The following ST6GALNAC3 variants were observed in gnomAD, a reference collection of about 807,000 sequenced individuals.
The protein encoded by ST6GALNAC3 is ST6 N-acetylgalactosaminide alpha-2,6-sialyltransferase 3.
In ST6GALNAC3, 25 loss-of-function variants were observed where a neutral mutation model predicts 32.7. The ratio of observed to expected loss-of-function variants is 0.76; its 90% CI spans 0.56 to 1.07. The LOEUF (loss-of-function observed/expected upper bound fraction) is 1.07. Among genes scored for constraint, ST6GALNAC3 ranks in the 50% least tolerant of loss-of-function variants. The pLI is 0.00. For missense variants in ST6GALNAC3, 355 were observed against 382.4 expected (o/e 0.93, Z 0.60); for synonymous variants, 129 against 133.1 (o/e 0.97, Z 0.21).
chr1:76,604,669 A>T (rs1160422203), intron 3 of ST6GALNAC3, among the ~76,000 whole-genome samples: 2 of 152,178 alleles, frequency 1.3e-5, no homozygotes, highest in Non-Finnish European at 2.9e-5. Context: ...CTAAATTCAT[A>T]TTGGAATTTC....
chr1:76,396,161 G>T (rs1203262042), intron 2 of ST6GALNAC3, among the ~76,000 whole-genome samples: 2 of 152,146 alleles, frequency 1.3e-5, no homozygotes, highest in African/African-American at 4.8e-5. Flanking sequence ...TATAAGGAAA[G>T]TAACTTTGAA....
At chr1:76,293,736 G>A (rs1171755249) in intron 1 of ST6GALNAC3, among the ~76,000 whole-genome samples, 1 of 152,174 alleles carries the variant, frequency 6.6e-6, no homozygotes, top group Non-Finnish European at 1.5e-5. Context: ...AAGCAAAGTG[G>A]TGGCCTTTTT....
intron 3 of ST6GALNAC3, among the ~76,000 whole-genome samples, chr1:76,563,497 TA>T (rs1557575929): frequency 6.6e-6 from 1 of 152,234 alleles, no homozygotes; most frequent in Non-Finnish European, 1.5e-5. Flanking sequence ...CAAAGGAAGA[TA>T]ATACTTGGAA....
chr1:76,435,983 C>T (rs954584786), intron 3 of ST6GALNAC3, among the ~76,000 whole-genome samples: 2 of 152,014 alleles, frequency 1.3e-5, no homozygotes, highest in African/African-American at 4.8e-5. Flanking sequence ...ACAGTACACA[C>T]TGCACCCAAT....
At chr1:76,456,511 T>C (rs987673737) in intron 3 of ST6GALNAC3, among the ~76,000 whole-genome samples, 7 of 152,098 alleles carry the variant, frequency 4.6e-5, no homozygotes, top group Admixed American at 2.0e-4. Flanking sequence ...ATCTGGCTAA[T>C]AGATATTTCT....
intron 1 of ST6GALNAC3, among the ~76,000 whole-genome samples, chr1:76,209,875 G>T (rs970899829): frequency 6.6e-6 from 1 of 152,082 alleles, no homozygotes. Context: ...ATTATCTTGG[G>T]GTTTATTTTG....
At position 76,110,199 on chromosome 1, in the gene ST6GALNAC3, C is replaced by T. The variant is rs564423933; in HGVS notation, c.18+35315C>T. On this transcript the variant is annotated intron_variant, in intron 1 of 4. Coordinates refer to ENST00000328299, the MANE Select transcript of ST6GALNAC3 (RefSeq NM_152996.4). ...CTCATATTTTCCACATTCCTTTCTT[C>T]TTTGGAATCCTGCTCTAAGGAAAGA... Among the ~76,000 whole-genome samples, 12 of 152,296 alleles carry T rather than the reference C, an allele frequency of 7.9e-5. No individual in the cohort carries two copies. In the East Asian group the frequency reaches 2.3e-3, roughly 29 times the overall value.
intron 1 of ST6GALNAC3, among the ~76,000 whole-genome samples, chr1:76,269,961 T>C (rs1658742773): frequency 6.6e-6 from 1 of 152,116 alleles, no homozygotes; most frequent in Non-Finnish European, 1.5e-5. Flanking sequence ...ATGTGAAGCA[T>C]GAAGTTAGAA....
intron 2 of ST6GALNAC3, among the ~76,000 whole-genome samples, chr1:76,388,742 C>A (rs1020994748): frequency 2.9e-4 from 44 of 152,092 alleles, no homozygotes; most frequent in Admixed American, 1.8e-3. Context: ...ATCTTACATT[C>A]TGAATGTTTT....
At chr1:76,286,858 T>A (rs111359813) in intron 1 of ST6GALNAC3, among the ~76,000 whole-genome samples, 9 of 152,336 alleles carry the variant, frequency 5.9e-5, no homozygotes, top group African/African-American at 2.2e-4. Flanking sequence ...GTCACAGAGT[T>A]CCTTTTCACC....
intron 3 of ST6GALNAC3, among the ~76,000 whole-genome samples, chr1:76,490,223 A>G (rs1451840486): frequency 6.6e-6 from 1 of 152,042 alleles, no homozygotes; most frequent in Admixed American, 6.6e-5. Context: ...AGATGGCTAG[A>G]GAGGCGAGAG....
rs185170627 is a variant in ST6GALNAC3 at position 76,247,684 on chromosome 1, A to G, written c.19-66121A>G. 1.2e-3 allele frequency among the ~76,000 whole-genome samples: 187 copies of G among 152,254 alleles called. 2 individuals carry two copies. The highest frequency in any genetic ancestry group is 4.4e-3 in the African/African-American group (183 of 41,568). ...GATGCCCCTCCCCCTAGCAAGCTCA[A>G]TGGTCCCAGGTTGACTCTGGACTGC... On this transcript the variant is annotated intron_variant, in intron 1 of 4. Transcript: ENST00000328299.
At chr1:76,098,853 G>A in intron 1 of ST6GALNAC3, among the ~76,000 whole-genome samples, 1 of 151,904 alleles carries the variant, frequency 6.6e-6, no homozygotes, top group East Asian at 1.9e-4. Context: ...TCACTAGTTT[G>A]ATTTCTTGAA....
chr1:76,491,740 C>G (rs1203239002), intron 3 of ST6GALNAC3, among the ~76,000 whole-genome samples: 1 of 152,164 alleles, frequency 6.6e-6, no homozygotes, highest in Non-Finnish European at 1.5e-5. Flanking sequence ...GAATCTCTTT[C>G]ACTAGTAGAA....
chr1:76,559,315 C>A (rs1387877169), intron 3 of ST6GALNAC3, among the ~76,000 whole-genome samples: 1 of 152,146 alleles, frequency 6.6e-6, no homozygotes, highest in Non-Finnish European at 1.5e-5. Context: ...AGGACAACTG[C>A]ACATGCAAAT....
chr1:76,587,545 G>A (rs541718909), intron 3 of ST6GALNAC3, among the ~76,000 whole-genome samples: 5 of 152,236 alleles, frequency 3.3e-5, no homozygotes, highest in South Asian at 4.2e-4. Flanking sequence ...TGCACACAAC[G>A]AATCAGGTCC....
At chr1:76,585,372 T>G in intron 3 of ST6GALNAC3, among the ~76,000 whole-genome samples, 1 of 144,132 alleles carries the variant, frequency 6.9e-6, no homozygotes, top group Non-Finnish European at 1.5e-5. Context: ...GGTGACAGAG[T>G]GAGACTCCTT....
At chr1:76,259,569 A>T (rs907035626) in intron 1 of ST6GALNAC3, among the ~76,000 whole-genome samples, 1 of 152,190 alleles carries the variant, frequency 6.6e-6, no homozygotes, top group Non-Finnish European at 1.5e-5. Flanking sequence ...CTCTCTGTTG[A>T]ATACACCCAT....
At chr1:76,234,246 C>T (rs533108346) in intron 1 of ST6GALNAC3, among the ~76,000 whole-genome samples, 101 of 152,264 alleles carry the variant, frequency 6.6e-4, no homozygotes, top group African/African-American at 2.3e-3. Context: ...TACCCTCCCC[C>T]GGTAGTGGCC....
Sources: gnomAD v4.1 joint callset for allele counts (sites outside exome capture counted in the v4.1 genomes callset) on GRCh38, gnomAD v4.1.1 for gene constraint, MANE v1.5 for transcripts, NCBI Gene and HGNC (gene_info 2026-07-23, HGNC 2026-07-21) for gene names.